The following GALNTL5 variants were observed in gnomAD, a reference collection of about 807,000 sequenced individuals.
GALNTL5 encodes the protein inactive polypeptide N-acetylgalactosaminyltransferase-like protein 5.
Under a neutral mutation model 51.0 loss-of-function variants are expected in GALNTL5, and 44 were observed. That is an observed-to-expected ratio of 0.86 (90% CI 0.68 to 1.11). GALNTL5 has a LOEUF of 1.11. Among genes scored for constraint, GALNTL5 ranks in the 50% least tolerant of loss-of-function variants. The pLI, the probability that GALNTL5 is intolerant of heterozygous loss-of-function variation, is 0.00. For synonymous variants in GALNTL5, 192 were observed against 182.8 expected (o/e 1.05, Z -0.41); for missense variants, 528 against 531.8 (o/e 0.99, Z 0.07).
At chr7:151,991,416 C>T (rs913340043) in intron 5 of GALNTL5, among the ~76,000 whole-genome samples, 3 of 152,202 alleles carry the variant, frequency 2.0e-5, no homozygotes, top group South Asian at 2.1e-4. Context: ...GTTTCTTCCT[C>T]ATGTAAAAAA....
At chr7:152,004,569 C>G (rs900279103) in intron 6 of GALNTL5, among the ~76,000 whole-genome samples, 3 of 152,164 alleles carry the variant, frequency 2.0e-5, no homozygotes, top group African/African-American at 7.2e-5. Context: ...CAATGTACAC[C>G]GGACCCATTA....
intron 8 of GALNTL5, among the ~76,000 whole-genome samples, chr7:152,015,054 A>G (rs2081789281): frequency 6.6e-6 from 1 of 152,152 alleles, no homozygotes; most frequent in Non-Finnish European, 1.5e-5. Context: ...GGTGAGGATA[A>G]AAAACTACCT....
intron 1 of GALNTL5, among the ~76,000 whole-genome samples, chr7:151,965,273 T>C (rs1396726663): frequency 2.6e-5 from 4 of 152,290 alleles, no homozygotes; most frequent in Non-Finnish European, 5.9e-5. Context: ...AATAACGTTC[T>C]CGCCTCCAGA....
intron 3 of GALNTL5, among the ~76,000 whole-genome samples, chr7:151,971,324 C>T (rs1200884344): frequency 3.3e-5 from 5 of 152,122 alleles, no homozygotes; most frequent in African/African-American, 1.2e-4. Flanking sequence ...TTGAGTTACC[C>T]ACAGATCTTT....
intron 6 of GALNTL5, among the ~76,000 whole-genome samples, chr7:152,005,223 TA>T (rs1239901697): frequency 6.6e-6 from 1 of 151,278 alleles, no homozygotes; most frequent in Admixed American, 6.6e-5. Flanking sequence ...TTGGAAAACT[TA>T]ACACACACAC....
At chr7:151,977,656 G>A (rs574395258) in intron 3 of GALNTL5, among the ~76,000 whole-genome samples, 2 of 152,266 alleles carry the variant, frequency 1.3e-5, no homozygotes, top group African/African-American at 4.8e-5. Flanking sequence ...GGGATAATAT[G>A]ATAATCACCT....
At chr7:151,996,964 G>A (rs2081508443) in intron 5 of GALNTL5, among the ~76,000 whole-genome samples, 1 of 151,930 alleles carries the variant, frequency 6.6e-6, no homozygotes, top group Admixed American at 6.6e-5. Flanking sequence ...GAGAAAAACA[G>A]GAAATACTGT....
At chr7:151,979,329 T>C (rs111304167) in intron 3 of GALNTL5, among the ~76,000 whole-genome samples, 11 of 147,048 alleles carry the variant, frequency 7.5e-5, no homozygotes, top group Admixed American at 2.8e-4. Flanking sequence ...TTAGCCAGGA[T>C]GGTCTTGATC....
intron 6 of GALNTL5, among the ~76,000 whole-genome samples, chr7:152,005,928 A>T (rs2081636360): frequency 1.3e-5 from 2 of 152,160 alleles, no homozygotes; most frequent in African/African-American, 4.8e-5. Context: ...GTTTTGAGAG[A>T]GGTCAGGGCT....
intron 8 of GALNTL5, among the ~76,000 whole-genome samples, chr7:152,016,429 G>C (rs2081814834): frequency 6.6e-6 from 1 of 151,804 alleles, no homozygotes; most frequent in African/African-American, 2.4e-5. Flanking sequence ...AATCTTATGG[G>C]CCCGAGTGTC....
intron 4 of GALNTL5, among the ~76,000 whole-genome samples, chr7:151,985,459 G>T (rs1024993229): frequency 3.9e-5 from 6 of 152,110 alleles, no homozygotes; most frequent in Non-Finnish European, 8.8e-5. Context: ...AATTCACGGT[G>T]ACTTCATCAT....
At chr7:152,003,655 CT>C (rs150850238) in intron 6 of GALNTL5, among the ~76,000 whole-genome samples, 1,702 of 152,288 alleles carry the variant, frequency 0.011, 29 homozygotes, top group African/African-American at 0.039. Flanking sequence ...CAAAAGTGTA[CT>C]TTATTGTAAT....
At chr7:151,995,880 A>C (rs1430023608) in intron 5 of GALNTL5, among the ~76,000 whole-genome samples, 1 of 152,194 alleles carries the variant, frequency 6.6e-6, no homozygotes, top group African/African-American at 2.4e-5. Context: ...ATCCCAGTTA[A>C]AGAAGCTAAG....
chr7:152,004,237 CT>C (rs1341074724), intron 6 of GALNTL5, among the ~76,000 whole-genome samples: 1 of 151,298 alleles, frequency 6.6e-6, no homozygotes, highest in African/African-American at 2.4e-5. Flanking sequence ...AGAAAGAAAA[CT>C]TCTCATGTGT....
At chr7:151,958,087 T>C (rs2080947442) in intron 1 of GALNTL5, among the ~76,000 whole-genome samples, 1 of 152,200 alleles carries the variant, frequency 6.6e-6, no homozygotes, top group Admixed American at 6.5e-5. Context: ...TTCTAGAGAA[T>C]AATTTATTTT....
chr7:151,988,219 G>T (rs10278682), intron 5 of GALNTL5, among the ~76,000 whole-genome samples: 117 of 152,324 alleles, frequency 7.7e-4, no homozygotes, highest in African/African-American at 2.7e-3. Context: ...GGCTGGCCAA[G>T]GGCAGTTTCT....
chr7:152,008,668 GAAC>G (rs1300969659), intron 7 of GALNTL5, among the ~76,000 whole-genome samples: 1 of 151,818 alleles, frequency 6.6e-6, no homozygotes, highest in Non-Finnish European at 1.5e-5. Flanking sequence ...AAAATATCTA[GAAC>G]AATATAGTTT....
intron 1 of GALNTL5, 96 bp from the exon 2 acceptor site, chr7:151,967,112 G>T: frequency 1.4e-6 from 1 of 715,890 alleles, no homozygotes; most frequent in South Asian, 1.9e-5. Context: ...CAACGTGATT[G>T]TTTTTAAAAC....
At chr7:151,959,686 TG>T (rs2080968715) in intron 1 of GALNTL5, among the ~76,000 whole-genome samples, 2 of 152,210 alleles carry the variant, frequency 1.3e-5, no homozygotes, top group Non-Finnish European at 2.9e-5. Flanking sequence ...GCAGCTCCTT[TG>T]GGAACACTCT....
Sources: allele counts gnomAD v4.1 joint callset (sites outside exome capture counted in the v4.1 genomes callset), GRCh38; gene constraint gnomAD v4.1.1; transcripts MANE v1.5; gene names NCBI Gene and HGNC (gene_info 2026-07-23, HGNC 2026-07-21).